The following WWOX variants were observed in gnomAD, a reference collection of about 807,000 sequenced individuals.
WWOX encodes the protein WW domain containing oxidoreductase.
Under a neutral mutation model 46.2 loss-of-function variants are expected in WWOX, and 69 were observed. That is an observed-to-expected ratio of 1.49 (90% CI 1.23 to 1.82). The LOEUF (loss-of-function observed/expected upper bound fraction) is 1.82, where lower values mean the gene tolerates loss of function less well. WWOX is among the 40% of genes most tolerant of loss of function. The pLI, the probability that WWOX is intolerant of heterozygous loss-of-function variation, is 0.00. For synonymous variants in WWOX, 359 were observed against 202.6 expected, an observed-to-expected ratio of 1.77 and a Z score of -6.56; for missense variants, 919 against 542.6, an observed-to-expected ratio of 1.69 and a Z score of -6.89.
At chr16:78,358,987 C>T (rs995130063) in intron 5 of WWOX, among the ~76,000 whole-genome samples, 2 of 150,592 alleles carry the variant, frequency 1.3e-5, no homozygotes, top group Admixed American at 6.7e-5. Context: ...AAATTAATCC[C>T]TTATTGCTGG....
intron 8 of WWOX, among the ~76,000 whole-genome samples, chr16:78,954,295 G>A (rs1311018525): frequency 6.6e-6 from 1 of 152,030 alleles, no homozygotes; most frequent in Non-Finnish European, 1.5e-5. Context: ...ATGAATGGAT[G>A]CATGGCTGAG....
At chr16:78,336,415 AGAATCTCTT>A (rs2080889185) in intron 5 of WWOX, among the ~76,000 whole-genome samples, 1 of 150,710 alleles carries the variant, frequency 6.6e-6, no homozygotes, top group Non-Finnish European at 1.5e-5. Flanking sequence ...CTGAGGCAGG[AGAATCTCTT>A]GAATCCAGGA....
intron 8 of WWOX, among the ~76,000 whole-genome samples, chr16:79,195,200 A>T (rs1224973792): frequency 6.6e-6 from 1 of 152,084 alleles, no homozygotes; most frequent in Non-Finnish European, 1.5e-5. Context: ...CAGGAAGTAG[A>T]TTCTGCAACT....
At chr16:78,872,512 T>C (rs1294419520) in intron 8 of WWOX, among the ~76,000 whole-genome samples, 4 of 152,262 alleles carry the variant, frequency 2.6e-5, no homozygotes, top group African/African-American at 9.6e-5. Flanking sequence ...GCCTGGCATC[T>C]GTGGCCTTGA....
At chr16:78,736,112 G>C (rs546533269) in intron 8 of WWOX, among the ~76,000 whole-genome samples, 2 of 152,174 alleles carry the variant, frequency 1.3e-5, no homozygotes, top group Non-Finnish European at 2.9e-5. Context: ...TGTGTGACAG[G>C]TGAGGAAAAC....
chr16:79,186,376 G>C (rs1362148279), intron 8 of WWOX, among the ~76,000 whole-genome samples: 1 of 152,112 alleles, frequency 6.6e-6, no homozygotes, highest in African/African-American at 2.4e-5. Context: ...TCTCGCTTCC[G>C]GTGGTTCAGT....
chr16:78,539,747 A>C (rs1382735487), intron 8 of WWOX, among the ~76,000 whole-genome samples: 1 of 152,158 alleles, frequency 6.6e-6, no homozygotes, highest in East Asian at 1.9e-4. Context: ...TAGTAATGCT[A>C]ATGTCGGGGT....
chr16:78,950,747 C>T (rs2046043619), intron 8 of WWOX, among the ~76,000 whole-genome samples: 1 of 152,120 alleles, frequency 6.6e-6, no homozygotes, highest in Non-Finnish European at 1.5e-5. Flanking sequence ...TGGGAGTTTT[C>T]AAATGAAATC....
chr16:78,457,641 C>T (rs113230133), intron 8 of WWOX, among the ~76,000 whole-genome samples: 17,604 of 151,958 alleles, frequency 0.12, 2,481 homozygotes, highest in African/African-American at 0.33. Context: ...TGGCCATGTA[C>T]GGTGGCTCAT....
At chr16:79,086,378 T>G (rs921131159) in intron 8 of WWOX, among the ~76,000 whole-genome samples, 1 of 152,212 alleles carries the variant, frequency 6.6e-6, no homozygotes, top group South Asian at 2.1e-4. Flanking sequence ...AGCTTTGAGA[T>G]GAGAAAGCGT....
chr16:78,100,032 C>T (rs2151652357), intron 1 of WWOX, 147 bp downstream of exon 1: 49 of 1,447,680 alleles, frequency 3.4e-5, no homozygotes, highest in Non-Finnish European at 4.2e-5. Context: ...GAAAAGGGTC[C>T]AGGGTTCCCA....
At chr16:78,437,559 A>G (rs907480870) in intron 8 of WWOX, among the ~76,000 whole-genome samples, 14 of 151,442 alleles carry the variant, frequency 9.2e-5, no homozygotes, top group African/African-American at 3.2e-4. Context: ...TGGTAAAGCC[A>G]TGTCTCTGCC....
chr16:78,818,715 G>T (rs769078372), intron 8 of WWOX, among the ~76,000 whole-genome samples: 2 of 152,248 alleles, frequency 1.3e-5, no homozygotes, highest in South Asian at 2.1e-4. Context: ...GCAGTTTTGA[G>T]TGCTGCCTCT....
At chr16:78,663,978 G>A (rs970550620) in intron 8 of WWOX, among the ~76,000 whole-genome samples, 3 of 152,192 alleles carry the variant, frequency 2.0e-5, no homozygotes, top group African/African-American at 7.2e-5. Flanking sequence ...ATGACGTCTG[G>A]ATTTTCCTTG....
At chr16:78,516,853 A>T (rs550459398) in intron 8 of WWOX, among the ~76,000 whole-genome samples, 3 of 152,304 alleles carry the variant, frequency 2.0e-5, no homozygotes, top group Non-Finnish European at 4.4e-5. Context: ...CTGAAGCCAA[A>T]CTGTGTGATT....
chr16:78,947,440 G>A (rs2045971587), intron 8 of WWOX, among the ~76,000 whole-genome samples: 1 of 152,196 alleles, frequency 6.6e-6, no homozygotes, highest in South Asian at 2.1e-4. Context: ...AGTGCTAACT[G>A]AGATGAAAGG....
intron 8 of WWOX, among the ~76,000 whole-genome samples, chr16:79,056,890 C>G (rs753894666): frequency 1.3e-5 from 2 of 152,218 alleles, no homozygotes. Context: ...AGGCTGGGCA[C>G]TTCAAACCTA....
At chr16:79,078,842 G>C (rs1333807715) in intron 8 of WWOX, among the ~76,000 whole-genome samples, 2 of 152,110 alleles carry the variant, frequency 1.3e-5, no homozygotes, top group East Asian at 1.9e-4. Context: ...AAAGTGACAT[G>C]GTCCATTTAA....
intron 8 of WWOX, among the ~76,000 whole-genome samples, chr16:78,790,478 C>G (rs572856842): frequency 3.2e-4 from 49 of 152,220 alleles, no homozygotes; most frequent in African/African-American, 1.2e-3. Context: ...CTTAAATCTC[C>G]TCTAGAAAAG....
Sources: allele counts gnomAD v4.1 joint callset (sites outside exome capture counted in the v4.1 genomes callset), GRCh38; gene constraint gnomAD v4.1.1; transcripts MANE v1.5; gene names NCBI Gene and HGNC (gene_info 2026-07-23, HGNC 2026-07-21).